CDHR3: variants seen among roughly 807,000 people sequenced by gnomAD.
CDHR3 encodes the protein cadherin related family member 3, also known as cadherin-related family member 3.
Under a neutral mutation model 86.6 loss-of-function variants are expected in CDHR3, and 79 were observed. The ratio of observed to expected loss-of-function variants is 0.91; its 90% CI spans 0.76 to 1.10. The LOEUF (loss-of-function observed/expected upper bound fraction) is 1.10. Ranked by LOEUF, CDHR3 falls within the 50% of genes least tolerant of loss-of-function variation. The probability of loss-of-function intolerance (pLI) is 0.00; values close to 1 mark genes in which losing one functional copy is unlikely to be tolerated. For synonymous variants in CDHR3, 421 were observed against 402.4 expected (o/e 1.05, Z -0.55); for missense variants, 1,081 against 1,077.6 (o/e 1.00, Z -0.04).
In CDHR3 at chr7:106,030,826, A is replaced by G; in HGVS notation, c.2339A>G (p.Glu780Gly). 1 of 1,611,240 alleles carries G rather than the reference A, an allele frequency of 6.2e-7. No homozygotes were observed. The highest frequency in any genetic ancestry group is 8.5e-7 in the Non-Finnish European group (1 of 1,178,784). ...TIQMNTIFDG[E>G]AIDPVTGETY... The stretch of plus-strand genomic sequence containing the variant: ...CAGATGAACACTATCTTTGATGGAG[A>G]AGCCATAGATCCAGGTAATTAAGTG... Residue 780 changes from glutamate to glycine, a missense_variant, in exon 18 of 19, where the codon GAA becomes GGA. Transcript: ENST00000317716. This position sits in a 1 kb window ranked among gnomAD's most constrained non-coding sequence, Gnocchi z 4.8.
chr7:106,010,191 T>C (rs1834582701), intron 8 of CDHR3, among the ~76,000 whole-genome samples: 1 of 152,210 alleles, frequency 6.6e-6, no homozygotes, highest in South Asian at 2.1e-4. Flanking sequence ...TCTGTGAGCC[T>C]GGATACTTAT....
At chr7:106,013,187 G>C (rs533498726) in intron 9 of CDHR3, among the ~76,000 whole-genome samples, 156 bp downstream of exon 9, 2 of 152,142 alleles carry the variant, frequency 1.3e-5, no homozygotes, top group Admixed American at 1.3e-4. Context: ...TTCCCCATTC[G>C]CTCTTTATTT....
rs759317325 is a variant in CDHR3 at position 106,032,490 on chromosome 7, G to A, written c.2451G>A (p.Gln817=). 1.9e-5 allele frequency: 30 copies of A among 1,613,890 alleles called. No individual in the cohort carries two copies. The highest frequency in any genetic ancestry group is 2.5e-5 in the Non-Finnish European group (30 of 1,179,896). ...CAAAATGGAAAGAGTCCAGCCACCA[G>A]GGAGCTGCCCCACGCAGAGTCACTG... ...QMPKWKESSH[Q]GAAPRRVTAG... The change falls in exon 19 of 19, where the codon CAG becomes CAA. Residue 817 remains glutamine, a synonymous_variant. Transcript: ENST00000317716.
At chr7:105,984,850 G>T (rs548684466) in intron 4 of CDHR3, among the ~76,000 whole-genome samples, 15 of 152,182 alleles carry the variant, frequency 9.9e-5, no homozygotes, top group Middle Eastern at 3.4e-3. Flanking sequence ...CTTGAACCCA[G>T]GAGTTTGAGA....
intron 7 of CDHR3, among the ~76,000 whole-genome samples, chr7:106,002,008 T>A (rs1833270495): frequency 6.6e-6 from 1 of 152,236 alleles, no homozygotes; most frequent in African/African-American, 2.4e-5. Context: ...GCCAATTGTA[T>A]TTTTCTTATC....
chr7:106,019,815 T>C (rs1836272206), intron 12 of CDHR3, among the ~76,000 whole-genome samples: 1 of 152,172 alleles, frequency 6.6e-6, no homozygotes, highest in South Asian at 2.1e-4. Context: ...CTAGGGAACA[T>C]CAATGAGGGC....
At chr7:105,981,400 C>T (rs1052154583) in intron 3 of CDHR3, among the ~76,000 whole-genome samples, 2 of 152,156 alleles carry the variant, frequency 1.3e-5, no homozygotes, top group South Asian at 4.1e-4. Flanking sequence ...AGAGAGACCT[C>T]GAGTGGATCA....
At chr7:106,028,098 C>T (rs1005921118) in intron 16 of CDHR3, among the ~76,000 whole-genome samples, 3 of 149,566 alleles carry the variant, frequency 2.0e-5, no homozygotes, top group African/African-American at 7.5e-5. Context: ...GCCTGGACGA[C>T]AAGAGTGAGA....
intron 4 of CDHR3, among the ~76,000 whole-genome samples, chr7:105,985,692 CTCAT>C (rs1004867723): frequency 1.4e-4 from 21 of 152,006 alleles, no homozygotes; most frequent in African/African-American, 4.8e-4. Context: ...CATTCATTAA[CTCAT>C]TCATTCATGT....
At chr7:105,976,724 C>T (rs956304530) in intron 2 of CDHR3, among the ~76,000 whole-genome samples, 2 of 152,158 alleles carry the variant, frequency 1.3e-5, no homozygotes, top group African/African-American at 4.8e-5. Flanking sequence ...TCTTTAATGA[C>T]TGACTTCTTT....
chr7:106,031,420 C>T (rs898144973), intron 18 of CDHR3, among the ~76,000 whole-genome samples: 2 of 152,224 alleles, frequency 1.3e-5, no homozygotes, highest in Non-Finnish European at 2.9e-5. Flanking sequence ...ACTCATCCCT[C>T]TGCTTACAAA....
chr7:106,028,671 T>C, intron 17 of CDHR3, 89 bp downstream of exon 17: 2 of 1,408,352 alleles, frequency 1.4e-6, no homozygotes, highest in African/African-American at 1.4e-5. Context: ...CACAGCCTTG[T>C]GGGCATGTTT....
chr7:106,018,817 G>A (rs888868243), intron 12 of CDHR3, among the ~76,000 whole-genome samples: 1 of 151,872 alleles, frequency 6.6e-6, no homozygotes, highest in Non-Finnish European at 1.5e-5. Context: ...ATCTTAAAAC[G>A]ATGCTGTGCT....
chr7:105,998,598 C>A (rs1238137665), intron 6 of CDHR3, among the ~76,000 whole-genome samples: 2 of 152,066 alleles, frequency 1.3e-5, no homozygotes, highest in Non-Finnish European at 2.9e-5. Context: ...TCGAGACCAG[C>A]CTGACCAACA....
chr7:106,013,779 A>T lies in CDHR3; in HGVS notation c.1224+748A>T, dbSNP rs529257891. ...TTATTCATAGTACCATCTTAAAAATAATTTCTATTTTTTTCTGTTTAGGAA... is the reference window on the plus strand; with the variant it reads ...TTATTCATAGTACCATCTTAAAAATTATTTCTATTTTTTTCTGTTTAGGAA... On this transcript the variant is annotated intron_variant, in intron 9 of 18. Coordinates refer to ENST00000317716, the MANE Select transcript of CDHR3 (RefSeq NM_152750.5). 6.6e-5 allele frequency among the ~76,000 whole-genome samples: 10 copies of T among 152,246 alleles called. No individual in the cohort carries two copies. In the South Asian group the frequency reaches 2.1e-3, roughly 32 times the overall value.
intron 1 of CDHR3, among the ~76,000 whole-genome samples, chr7:105,964,181 T>C (rs1279927981): frequency 2.0e-5 from 3 of 152,170 alleles, no homozygotes. Flanking sequence ...TCTTCATTTG[T>C]TTTTCTTAGG....
intron 2 of CDHR3, among the ~76,000 whole-genome samples, chr7:105,975,516 T>C (rs531398322): frequency 6.6e-6 from 1 of 152,306 alleles, no homozygotes; most frequent in South Asian, 2.1e-4. Flanking sequence ...AACAAAAATA[T>C]AAGTCTAAAT....
chr7:105,979,007 G>A (rs1319203621), intron 2 of CDHR3, among the ~76,000 whole-genome samples: 1 of 152,130 alleles, frequency 6.6e-6, no homozygotes, highest in Admixed American at 6.5e-5. Flanking sequence ...CACCTGCTCT[G>A]GTGGACATAT....
rs760682075 is a variant in CDHR3 at position 105,996,330 on chromosome 7, A to C, written c.689A>C (p.Asn230Thr). Reference sequence around the variant, plus strand: ...CTCCAGGTGAACATCGTGAACCTCAACGACGAAGTCCCTCGCTTTACCAGG... The same window carrying C: ...CTCCAGGTGAACATCGTGAACCTCACCGACGAAGTCCCTCGCTTTACCAGG... ...TELQVNIVNL[N>T]DEVPRFTSPT... The change falls in exon 6 of 19, where the codon AAC becomes ACC. Residue 230 changes from asparagine (N) to threonine (T), a missense_variant. By Grantham distance (65) the Asn-to-Thr change is moderately conservative. Coordinates refer to ENST00000317716, the MANE Select transcript of CDHR3 (RefSeq NM_152750.5). 1.3e-6 allele frequency: 2 copies of C among 1,595,448 alleles called. No homozygotes were observed. Among genetic ancestry groups the C allele is most frequent in the Non-Finnish European group, 1.7e-6 (2 of 1,165,546 alleles).
Sources: allele counts gnomAD v4.1 joint callset (sites outside exome capture counted in the v4.1 genomes callset), GRCh38; gene constraint gnomAD v4.1.1; non-coding constraint Gnocchi (gnomAD v3.1); transcripts MANE v1.5; gene names NCBI Gene and HGNC (gene_info 2026-07-23, HGNC 2026-07-21).